Variants in CNTNAP2 observed in about 807,000 individuals in gnomAD.
The protein encoded by CNTNAP2 is contactin associated protein 2, also known as contactin-associated protein-like 2.
CNTNAP2 carries 98 observed loss-of-function variants against 155.2 expected under a neutral mutation model. The observed-to-expected ratio is 0.63, with a 90% CI of 0.54 to 0.75. The LOEUF (loss-of-function observed/expected upper bound fraction) is 0.75, where lower values mean the gene tolerates loss of function less well. Ranked by LOEUF, CNTNAP2 falls within the 30% of genes least tolerant of loss-of-function variation. The pLI is 0.00. For missense variants in CNTNAP2, 1,727 were observed against 1,688.1 expected, an observed-to-expected ratio of 1.02 and a Z score of -0.40; for synonymous variants, 651 against 631.2, an observed-to-expected ratio of 1.03 and a Z score of -0.47.
intron 21 of CNTNAP2, among the ~76,000 whole-genome samples, chr7:148,349,757 G>T (rs1198189014): frequency 6.6e-6 from 1 of 152,144 alleles, no homozygotes; most frequent in Non-Finnish European, 1.5e-5. Flanking sequence ...AGCCATCCTG[G>T]ACCGCATAAA....
At chr7:146,215,825 T>A (rs1799103931) in intron 1 of CNTNAP2, among the ~76,000 whole-genome samples, 1 of 152,214 alleles carries the variant, frequency 6.6e-6, no homozygotes, top group Non-Finnish European at 1.5e-5. Flanking sequence ...TGAGCTGTTC[T>A]CTGCCGTCGG....
intron 10 of CNTNAP2, among the ~76,000 whole-genome samples, chr7:147,401,492 A>G (rs911523122): frequency 5.9e-5 from 9 of 152,212 alleles, no homozygotes; most frequent in African/African-American, 2.2e-4. Context: ...TCATAAGAAC[A>G]TTTAAATGAG....
intron 18 of CNTNAP2, among the ~76,000 whole-genome samples, chr7:148,200,054 T>C (rs1237583288): frequency 1.3e-5 from 2 of 152,190 alleles, no homozygotes; most frequent in South Asian, 4.1e-4. Flanking sequence ...TTCCAGGTGC[T>C]CAATGGATTG....
chr7:148,171,894 C>T (rs1207634633), intron 17 of CNTNAP2, among the ~76,000 whole-genome samples: 1 of 152,114 alleles, frequency 6.6e-6, no homozygotes. Flanking sequence ...CTACAGAACT[C>T]GATGTTGTGA....
chr7:147,533,454 C>T (rs949644218), intron 11 of CNTNAP2, among the ~76,000 whole-genome samples: 2 of 151,976 alleles, frequency 1.3e-5, no homozygotes, highest in Non-Finnish European at 2.9e-5. Context: ...GGGACAAGTA[C>T]TTATTGTGTA....
At chr7:146,298,748 G>C (rs1000563545) in intron 1 of CNTNAP2, among the ~76,000 whole-genome samples, 1 of 152,194 alleles carries the variant, frequency 6.6e-6, no homozygotes, top group Non-Finnish European at 1.5e-5. Context: ...TCTGCTCTTG[G>C]ACAGCTCTGG....
chr7:147,344,839 T>C (rs1795824876), intron 9 of CNTNAP2, among the ~76,000 whole-genome samples: 1 of 152,162 alleles, frequency 6.6e-6, no homozygotes, highest in South Asian at 2.1e-4. Context: ...TATCATCTGA[T>C]TCTTCTGTTG....
chr7:147,823,894 T>A (rs1002317719), intron 13 of CNTNAP2, among the ~76,000 whole-genome samples: 1 of 152,138 alleles, frequency 6.6e-6, no homozygotes, highest in African/African-American at 2.4e-5. Context: ...AACTGTTATA[T>A]TTAAAAAGAA....
chr7:146,271,998 C>G (rs983247274), intron 1 of CNTNAP2, among the ~76,000 whole-genome samples: 1 of 152,090 alleles, frequency 6.6e-6, no homozygotes, highest in African/African-American at 2.4e-5. Context: ...ACATTTAAAA[C>G]TTTATAAGTA....
chr7:146,721,889 A>ATATATATATTTTTTTTTTTTTTTTT, intron 1 of CNTNAP2, among the ~76,000 whole-genome samples: 2 of 69,738 alleles, frequency 2.9e-5, no homozygotes, highest in African/African-American at 3.8e-4. Flanking sequence ...ATATATATAT[A>ATATATATATTTTTTTTTTTTTTTTT]TTTTTTTTTT....
chr7:147,243,914 GT>G (rs899337047), intron 8 of CNTNAP2, among the ~76,000 whole-genome samples: 1 of 151,898 alleles, frequency 6.6e-6, no homozygotes, highest in Non-Finnish European at 1.5e-5. Flanking sequence ...TAATTATGGG[GT>G]TTTTCCTCAC....
rs1049266713 is a variant in CNTNAP2, at chr7:147,239,369, G to T, written c.1349-60772G>T. On this transcript the variant is annotated intron_variant, in intron 8 of 23. Coordinates refer to ENST00000361727, the MANE Select transcript of CNTNAP2 (RefSeq NM_014141.6). The stretch of plus-strand genomic sequence containing the variant: ...AAAAAAAAAATACAAAATTAGCTGG[G>T]TGTGTTGCCGGTCACCTGCAATACC... Among the ~76,000 whole-genome samples, 4 of 152,020 alleles carry T rather than the reference G, an allele frequency of 2.6e-5. No homozygotes were observed. The East Asian group carries it at 7.8e-4, about 30-fold the overall frequency.
At chr7:148,000,925 T>A (rs910985704) in intron 15 of CNTNAP2, among the ~76,000 whole-genome samples, 1 of 152,176 alleles carries the variant, frequency 6.6e-6, no homozygotes, top group African/African-American at 2.4e-5. Flanking sequence ...CCTTCTTGAC[T>A]TTTCCAGATT....
intron 13 of CNTNAP2, among the ~76,000 whole-genome samples, chr7:147,765,416 C>T (rs1239612914): frequency 6.6e-6 from 1 of 152,156 alleles, no homozygotes; most frequent in Admixed American, 6.6e-5. Context: ...TTTCTGGCTG[C>T]TTTGTCCATT....
intron 9 of CNTNAP2, among the ~76,000 whole-genome samples, chr7:147,319,484 C>G (rs1447254383): frequency 1.3e-5 from 2 of 152,036 alleles, no homozygotes; most frequent in Non-Finnish European, 2.9e-5. Flanking sequence ...TTCAAGTGAT[C>G]CTCCCACCTC....
At chr7:146,464,176 C>G (rs73462779) in intron 1 of CNTNAP2, among the ~76,000 whole-genome samples, 3,710 of 130,306 alleles carry the variant, frequency 0.028, 130 homozygotes, top group African/African-American at 0.073. Flanking sequence ...CAATGTCTTT[C>G]CTTTGAAACT....
intron 1 of CNTNAP2, among the ~76,000 whole-genome samples, chr7:146,514,924 G>A (rs1249024481): frequency 2.6e-5 from 4 of 151,968 alleles, no homozygotes; most frequent in African/African-American, 4.8e-5. Context: ...CTTCTTATTA[G>A]CATTACATGT....
chr7:147,052,897 TA>T lies in CNTNAP2; in HGVS notation c.550+8851del, dbSNP rs111448969. Reference sequence around the variant, plus strand: ...TTCTAAGTTTTCATGTTATTAGATTTAAAAAAAATACTGTAAGTTGTAACCA... The same window carrying T: ...TTCTAAGTTTTCATGTTATTAGATTTAAAAAAATACTGTAAGTTGTAACCA... On this transcript the variant is annotated intron_variant, in intron 4 of 23. Coordinates refer to ENST00000361727, the MANE Select transcript of CNTNAP2 (RefSeq NM_014141.6). Among the ~76,000 whole-genome samples, 3 of 152,030 alleles carry T rather than the reference TA, an allele frequency of 2.0e-5. No individual in the cohort carries two copies. The East Asian group carries it at 5.8e-4, about 29-fold the overall frequency.
chr7:147,807,682 T>C (rs1000779321), intron 13 of CNTNAP2, among the ~76,000 whole-genome samples: 41 of 152,256 alleles, frequency 2.7e-4, no homozygotes, highest in Middle Eastern at 3.4e-3. Context: ...TCTGTGCATA[T>C]GTGGTTGAGT....
Sources: gnomAD v4.1 joint callset for allele counts (sites outside exome capture counted in the v4.1 genomes callset) on GRCh38, gnomAD v4.1.1 for gene constraint, MANE v1.5 for transcripts, NCBI Gene and HGNC (gene_info 2026-07-23, HGNC 2026-07-21) for gene names.